The following CDKAL1 variants were observed in gnomAD, a reference collection of about 807,000 sequenced individuals.
CDKAL1 encodes the protein threonylcarbamoyladenosine tRNA methylthiotransferase.
In CDKAL1, 32 loss-of-function variants were observed where a neutral mutation model predicts 68.2. That is an observed-to-expected ratio of 0.47 (90% CI 0.35 to 0.63). CDKAL1 has a LOEUF of 0.63. Among genes scored for constraint, CDKAL1 ranks in the 30% least tolerant of loss-of-function variants. The probability of loss-of-function intolerance (pLI) is 0.00; values close to 1 mark genes in which losing one functional copy is unlikely to be tolerated. For missense variants in CDKAL1, 606 were observed against 696.7 expected (o/e 0.87, Z 1.47); for synonymous variants, 234 against 244.3 (o/e 0.96, Z 0.39).
intron 13 of CDKAL1, among the ~76,000 whole-genome samples, chr6:21,167,117 G>A (rs1381741892): frequency 6.6e-6 from 1 of 152,200 alleles, no homozygotes; most frequent in Admixed American, 6.5e-5. Context: ...AACAGGCACT[G>A]TGGCTTGCCT....
chr6:20,990,185 G>A (rs1766717667), intron 10 of CDKAL1, among the ~76,000 whole-genome samples: 1 of 152,222 alleles, frequency 6.6e-6, no homozygotes. Flanking sequence ...GGAGGTTGCA[G>A]TGAGCCAAGA....
At chr6:21,224,622 C>A (rs1779669485) in intron 15 of CDKAL1, among the ~76,000 whole-genome samples, 1 of 152,076 alleles carries the variant, frequency 6.6e-6, no homozygotes, top group African/African-American at 2.4e-5. Context: ...AATTGTAGAA[C>A]CTGGAAAGGG....
chr6:20,905,965 A>G (rs745413877), intron 9 of CDKAL1, among the ~76,000 whole-genome samples: 3 of 152,214 alleles, frequency 2.0e-5, no homozygotes, highest in Non-Finnish European at 2.9e-5. Context: ...AGTCCTGCAG[A>G]TTGGCGTGAA....
intron 8 of CDKAL1, among the ~76,000 whole-genome samples, chr6:20,826,440 G>A (rs1053747854): frequency 4.6e-5 from 7 of 152,166 alleles, no homozygotes; most frequent in African/African-American, 1.7e-4. Flanking sequence ...AAATGGAATT[G>A]TGTACTTCAG....
chr6:20,764,119 T>G (rs1393427301), intron 7 of CDKAL1, among the ~76,000 whole-genome samples: 1 of 152,194 alleles, frequency 6.6e-6, no homozygotes, highest in Non-Finnish European at 1.5e-5. Context: ...AATCTGCATT[T>G]CTTCCAAAAA....
At chr6:20,842,755 C>T (rs879902098) in intron 8 of CDKAL1, among the ~76,000 whole-genome samples, 2 of 152,098 alleles carry the variant, frequency 1.3e-5, no homozygotes, top group Admixed American at 6.5e-5. Flanking sequence ...CGCTTGAACC[C>T]GGGAGGCAGA....
chr6:21,167,508 T>C (rs188819881), intron 13 of CDKAL1, among the ~76,000 whole-genome samples: 5 of 152,350 alleles, frequency 3.3e-5, no homozygotes, highest in Admixed American at 3.3e-4. Flanking sequence ...ATTTAGCCCA[T>C]GTCACCAGAA....
At chr6:20,617,993 A>T (rs565245544) in intron 4 of CDKAL1, among the ~76,000 whole-genome samples, 113 of 152,296 alleles carry the variant, frequency 7.4e-4, no homozygotes, top group Non-Finnish European at 1.4e-3. Context: ...GAATCGCCAC[A>T]CTGTCTTCCA....
chr6:20,979,440 A>G (rs990231987), intron 10 of CDKAL1, among the ~76,000 whole-genome samples: 4 of 152,192 alleles, frequency 2.6e-5, no homozygotes, highest in African/African-American at 9.7e-5. Context: ...GGATTTTAGT[A>G]GGCAGGGTTG....
intron 6 of CDKAL1, among the ~76,000 whole-genome samples, chr6:20,752,997 G>A (rs750481998): frequency 2.0e-5 from 3 of 151,542 alleles, no homozygotes; most frequent in East Asian, 1.9e-4. Flanking sequence ...TTTCTTTTTG[G>A]TAATAACAAC....
At chr6:21,002,099 C>T (rs933005547) in intron 11 of CDKAL1, among the ~76,000 whole-genome samples, 3 of 152,182 alleles carry the variant, frequency 2.0e-5, no homozygotes, top group African/African-American at 7.2e-5. Context: ...TTCTGGAGGT[C>T]TGTTAAATCT....
intron 11 of CDKAL1, among the ~76,000 whole-genome samples, chr6:21,027,822 A>C (rs760555813): frequency 2.0e-5 from 3 of 152,192 alleles, no homozygotes; most frequent in Middle Eastern, 3.2e-3. Context: ...ATAAGTGGGG[A>C]GGTAAGACCA....
intron 7 of CDKAL1, among the ~76,000 whole-genome samples, chr6:20,774,356 TTTAG>T (rs1300452386): frequency 6.6e-6 from 1 of 152,162 alleles, no homozygotes. Flanking sequence ...AGGAGCGTAA[TTTAG>T]TTAATAGATA....
chr6:21,072,554 CAAAAAAA>C lies in CDKAL1; in HGVS notation c.1236+7346_1236+7352del, dbSNP rs71540611. On this transcript the variant is annotated intron_variant, in intron 12 of 15. Transcript: ENST00000274695. ...TGGGCGACTGAGCGAGACTCCGTCT[CAAAAAAA>C]AAAAAAAAAAAAAAAAAAAGCCTGT... 8.1e-4 allele frequency among the ~76,000 whole-genome samples: 36 copies of C among 44,484 alleles called. 1 individual carries two copies. The highest frequency in any genetic ancestry group is 2.7e-3 in the African/African-American group (32 of 11,788). 29.2% of individuals were successfully genotyped at this position (44,484 alleles called of 152,430 possible). A position where few individuals can be genotyped will look rare whatever the true frequency, so the allele number is the denominator to read the frequency against.
intron 9 of CDKAL1, among the ~76,000 whole-genome samples, chr6:20,933,884 A>G (rs896821403): frequency 2.0e-5 from 3 of 151,740 alleles, no homozygotes; most frequent in East Asian, 1.9e-4. Flanking sequence ...TCTGTGGTCA[A>G]TAGAGATTTC....
chr6:20,880,098 A>G (rs1760733110), intron 9 of CDKAL1, among the ~76,000 whole-genome samples: 1 of 152,198 alleles, frequency 6.6e-6, no homozygotes, highest in Admixed American at 6.5e-5. Context: ...AGTGAGGGAC[A>G]TATTTTACTC....
intron 6 of CDKAL1, among the ~76,000 whole-genome samples, chr6:20,745,736 CA>C (rs1210180454): frequency 6.6e-6 from 1 of 151,564 alleles, no homozygotes; most frequent in Non-Finnish European, 1.5e-5. Context: ...AAAAAATCGC[CA>C]AAAAAAATCT....
intron 13 of CDKAL1, among the ~76,000 whole-genome samples, chr6:21,193,098 T>C (rs190137533): frequency 1.9e-4 from 29 of 152,208 alleles, no homozygotes; most frequent in Non-Finnish European, 3.4e-4. Context: ...GGATTACAGG[T>C]GTGAACCACC....
intron 9 of CDKAL1, among the ~76,000 whole-genome samples, chr6:20,898,550 C>G (rs980746997): frequency 4.0e-5 from 6 of 151,506 alleles, no homozygotes; most frequent in Non-Finnish European, 8.8e-5. Flanking sequence ...CTGACGTGGC[C>G]TTACTCTTGA....
Sources: gnomAD v4.1 joint callset for allele counts (sites outside exome capture counted in the v4.1 genomes callset) on GRCh38, gnomAD v4.1.1 for gene constraint, MANE v1.5 for transcripts, NCBI Gene and HGNC (gene_info 2026-07-23, HGNC 2026-07-21) for gene names.